CDH18: variants seen among roughly 807,000 people sequenced by gnomAD.
The protein encoded by CDH18 is cadherin-18.
Under a neutral mutation model 67.9 loss-of-function variants are expected in CDH18, and 31 were observed. That is an observed-to-expected ratio of 0.46 (90% CI 0.34 to 0.62). The LOEUF is 0.62. Among genes scored for constraint, CDH18 ranks in the 20% least tolerant of loss-of-function variants. CDH18 has a pLI of 0.01. For synonymous variants in CDH18, 362 were observed against 347.2 expected, an observed-to-expected ratio of 1.04 and a Z score of -0.48; for missense variants, 890 against 975.5, an observed-to-expected ratio of 0.91 and a Z score of 1.17.
At chr5:19,571,519 T>G (rs564879804) in intron 8 of CDH18, 60 bp downstream of exon 8, 1 of 1,455,254 alleles carries the variant, frequency 6.9e-7, no homozygotes. Flanking sequence ...TATTCAAGTT[T>G]AATTAATGTG....
rs1324977898 is a variant in CDH18 at position 20,172,224 on chromosome 5, GTATATATATATATATGTA to G, written c.-518+83202_-518+83219del. 1.3e-3 allele frequency among the ~76,000 whole-genome samples: 25 copies of G among 19,526 alleles called. 1 individual carries two copies. The highest frequency in any genetic ancestry group is 4.1e-3 in the African/African-American group (23 of 5,670). The allele number at this position is 19,526 out of a possible 152,430, so 12.8% of individuals were successfully genotyped here. ...TATATATATATATATATATATATAT[GTATATATATATATATGTA>G]TATATATATATATATCTCCTCTCTG... On this transcript the variant is annotated intron_variant, in intron 2 of 14. Transcript: ENST00000507958.
chr5:19,872,251 G>A (rs1160237966), intron 2 of CDH18, among the ~76,000 whole-genome samples: 3 of 152,112 alleles, frequency 2.0e-5, no homozygotes, highest in African/African-American at 7.2e-5. Context: ...AGCTCCCTTG[G>A]AAGAAATACC....
intron 5 of CDH18, among the ~76,000 whole-genome samples, chr5:19,671,858 C>T (rs748083310): frequency 1.9e-4 from 29 of 152,188 alleles, no homozygotes; most frequent in East Asian, 3.9e-4. Flanking sequence ...AAGCATTACT[C>T]GAGATGCCCT....
chr5:20,266,571 A>ATTTTTTTTTTTTTTTTTTTTTTTTTTT (rs34718835), intron 1 of CDH18, among the ~76,000 whole-genome samples: 6 of 59,184 alleles, frequency 1.0e-4, no homozygotes, highest in African/African-American at 2.8e-4. Context: ...GCCCGGCTGA[A>ATTTTTTTTTTTTTTTTTTTTTTTTTTT]TTTTTTTTTT....
intron 2 of CDH18, among the ~76,000 whole-genome samples, chr5:19,894,031 A>G (rs1420006233): frequency 6.6e-6 from 1 of 152,148 alleles, no homozygotes; most frequent in East Asian, 1.9e-4. Flanking sequence ...AAAATTATTT[A>G]TCTTAAAATA....
At position 19,777,947 on chromosome 5, in the gene CDH18, G is replaced by T. The variant is rs141336133; in HGVS notation, c.229-30711C>A. Among the ~76,000 whole-genome samples, 1,313 of 152,164 alleles carry T rather than the reference G, an allele frequency of 8.6e-3. 20 individuals are homozygous for T. The highest frequency in any genetic ancestry group is 0.03 in the African/African-American group (1,231 of 41,534). On this transcript the variant is annotated intron_variant, in intron 3 of 12. Transcript: ENST00000382275. ...TATAAGTAGTAAAAAGGCAATAAGA[G>T]AATAATATGAATAGCTTTATGCTAA...
intron 1 of CDH18, among the ~76,000 whole-genome samples, chr5:20,570,615 T>A (rs896664785): frequency 9.2e-5 from 14 of 152,162 alleles, no homozygotes; most frequent in Non-Finnish European, 1.8e-4. Flanking sequence ...ATTATCTTCC[T>A]CTATTCTCAG....
chr5:20,478,453 A>C (rs556566500), intron 1 of CDH18, among the ~76,000 whole-genome samples: 13 of 143,578 alleles, frequency 9.1e-5, no homozygotes, highest in Admixed American at 8.2e-4. Context: ...GTGAACATGG[A>C]AGGTGGCCAT....
chr5:20,146,119 T>C (rs1213918537), intron 2 of CDH18, among the ~76,000 whole-genome samples: 1 of 152,112 alleles, frequency 6.6e-6, no homozygotes, highest in African/African-American at 2.4e-5. Context: ...CTCTCAGATC[T>C]TCACATGGCC....
chr5:19,846,133 T>C (rs1358928327), intron 2 of CDH18, among the ~76,000 whole-genome samples: 2 of 152,082 alleles, frequency 1.3e-5, no homozygotes, highest in African/African-American at 4.8e-5. Flanking sequence ...TTCTTTTAAT[T>C]ACATTCTTTG....
chr5:20,261,511 C>A (rs532810379), intron 1 of CDH18, among the ~76,000 whole-genome samples: 8 of 151,940 alleles, frequency 5.3e-5, no homozygotes, highest in African/African-American at 1.2e-4. Flanking sequence ...GAGGCTGAGG[C>A]GGGCAGATCA....
At chr5:19,510,059 T>C (rs974038612) in intron 10 of CDH18, among the ~76,000 whole-genome samples, 2 of 152,170 alleles carry the variant, frequency 1.3e-5, no homozygotes, top group Non-Finnish European at 2.9e-5. Context: ...ATGTGCAGCA[T>C]TCATAATAGA....
At chr5:20,133,027 C>T (rs1038873606) in intron 2 of CDH18, among the ~76,000 whole-genome samples, 4 of 151,962 alleles carry the variant, frequency 2.6e-5, no homozygotes, top group East Asian at 1.9e-4. Context: ...CTCTCTTCTT[C>T]GAGGCAAAGT....
intron 3 of CDH18, among the ~76,000 whole-genome samples, chr5:19,777,439 G>A (rs182142434): frequency 2.0e-4 from 31 of 152,238 alleles, no homozygotes; most frequent in Non-Finnish European, 3.1e-4. Flanking sequence ...ATTATACATA[G>A]AGCTCAGATG....
intron 2 of CDH18, among the ~76,000 whole-genome samples, chr5:19,997,154 A>G (rs573473419): frequency 5.7e-4 from 87 of 152,204 alleles, no homozygotes; most frequent in African/African-American, 2.0e-3. Flanking sequence ...AATAATAAAG[A>G]CACCTAAAAT....
At chr5:19,647,417 C>A (rs1754918562) in intron 5 of CDH18, among the ~76,000 whole-genome samples, 1 of 148,894 alleles carries the variant, frequency 6.7e-6, no homozygotes, top group African/African-American at 2.5e-5. Context: ...GTAGTCCCAG[C>A]TACTCAGGAG....
At chr5:20,374,905 A>G (rs1361081047) in intron 1 of CDH18, among the ~76,000 whole-genome samples, 1 of 152,192 alleles carries the variant, frequency 6.6e-6, no homozygotes, top group Non-Finnish European at 1.5e-5. Context: ...TAAACTTAGT[A>G]AGTAGGGTTA....
chr5:20,479,238 A>G (rs36112334), intron 1 of CDH18, among the ~76,000 whole-genome samples: 24,614 of 152,122 alleles, frequency 0.16, 2,507 homozygotes, highest in Non-Finnish European at 0.23. Flanking sequence ...CATCAAGAAC[A>G]TACAGGAAAA....
intron 2 of CDH18, among the ~76,000 whole-genome samples, chr5:20,147,984 A>ATG (rs528659679): frequency 6.6e-6 from 1 of 151,894 alleles, no homozygotes; most frequent in Admixed American, 6.6e-5. Flanking sequence ...GTGAATTTGA[A>ATG]TGTGTGTGTG....
Sources: allele counts gnomAD v4.1 joint callset (sites outside exome capture counted in the v4.1 genomes callset), GRCh38; gene constraint gnomAD v4.1.1; transcripts MANE v1.5; gene names NCBI Gene and HGNC (gene_info 2026-07-23, HGNC 2026-07-21).